CACNA2D1: variants seen among roughly 807,000 people sequenced by gnomAD.
CACNA2D1 encodes voltage-dependent calcium channel subunit alpha-2/delta-1.
In CACNA2D1, 53 loss-of-function variants were observed where a neutral mutation model predicts 171.5. The ratio of observed to expected loss-of-function variants is 0.31; its 90% CI spans 0.25 to 0.39. The LOEUF (loss-of-function observed/expected upper bound fraction) is 0.39. Among genes scored for constraint, CACNA2D1 ranks in the 10% least tolerant of loss-of-function variants. The pLI is 1.00. For synonymous variants in CACNA2D1, 442 were observed against 443.1 expected, an observed-to-expected ratio of 1.00 and a Z score of 0.03; for missense variants, 903 against 1,299.8, an observed-to-expected ratio of 0.69 and a Z score of 4.69.
At chr7:82,007,022 A>C (rs1371560838) in intron 16 of CACNA2D1, among the ~76,000 whole-genome samples, 1 of 152,120 alleles carries the variant, frequency 6.6e-6, no homozygotes, top group Non-Finnish European at 1.5e-5. Context: ...TCAAGCTAAA[A>C]AATTGGAATG....
chr7:82,042,225 C>T (rs1562912583), intron 10 of CACNA2D1, among the ~76,000 whole-genome samples: 2 of 152,252 alleles, frequency 1.3e-5, no homozygotes, highest in East Asian at 3.9e-4. Context: ...CTATATTTCA[C>T]AGATATCTTA....
chr7:82,442,472 T>C (rs1337654122), intron 1 of CACNA2D1, among the ~76,000 whole-genome samples: 1 of 152,156 alleles, frequency 6.6e-6, no homozygotes, highest in Non-Finnish European at 1.5e-5. Context: ...AATATGTATA[T>C]ATTTATATGT....
chr7:82,103,254 C>A (rs1428482673), intron 6 of CACNA2D1, among the ~76,000 whole-genome samples: 2 of 152,090 alleles, frequency 1.3e-5, no homozygotes, highest in Non-Finnish European at 2.9e-5. Flanking sequence ...TTGCAGTGAG[C>A]TACTGCACTC....
Position 82,056,991 on chromosome 7 carries a change from A to G in CACNA2D1, c.879+3437T>C, listed in dbSNP as rs371750856. Among the ~76,000 whole-genome samples, 289 of 152,278 alleles carry G rather than the reference A, an allele frequency of 1.9e-3. 2 individuals are homozygous for G. The highest frequency in any genetic ancestry group is 6.8e-3 in the African/African-American group (283 of 41,570). On this transcript the variant is annotated intron_variant, in intron 10 of 38. Transcript: ENST00000356860. ...CACTAGAGGCTGCCAGCCTGATAAC[A>G]TTGGGACAGTCTCCTCTAAAGGTAC...
intron 7 of CACNA2D1, among the ~76,000 whole-genome samples, chr7:82,071,297 T>C (rs1052636055): frequency 6.6e-6 from 1 of 152,144 alleles, no homozygotes; most frequent in Admixed American, 6.5e-5. Flanking sequence ...CCAAGAAACG[T>C]AGCTTTATGC....
chr7:81,964,040 T>C lies in CACNA2D1; in HGVS notation c.2780+16A>G, dbSNP rs182676195. 1.2e-6 allele frequency: 2 copies of C among 1,608,364 alleles called. No homozygotes were observed. The highest frequency in any genetic ancestry group is 1.7e-6 in the Non-Finnish European group (2 of 1,175,620). On this transcript the variant is annotated intron_variant, in intron 34 of 38. Transcript: ENST00000356860. ...TTCTTTCTTTCATTACCAATAAAAC[T>C]AAAATTTTGACTTACCAGGCAGCAG...
At chr7:82,169,890 A>G (rs545104666) in intron 4 of CACNA2D1, among the ~76,000 whole-genome samples, 1 of 151,586 alleles carries the variant, frequency 6.6e-6, no homozygotes, top group African/African-American at 2.4e-5. Flanking sequence ...CTATAAGAGG[A>G]TAGATAAATG....
chr7:82,202,828 A>G (rs1434462169), intron 3 of CACNA2D1, among the ~76,000 whole-genome samples: 4 of 126,624 alleles, frequency 3.2e-5, no homozygotes, highest in Non-Finnish European at 4.6e-5. Flanking sequence ...AGACGGGGAA[A>G]ATGCGCCACC....
chr7:82,419,908 G>A (rs1441980419), intron 1 of CACNA2D1, among the ~76,000 whole-genome samples: 1 of 152,144 alleles, frequency 6.6e-6, no homozygotes, highest in Non-Finnish European at 1.5e-5. Context: ...ATGATATCTG[G>A]TGACATTTTT....
At chr7:82,125,741 A>T (rs1394807052) in intron 5 of CACNA2D1, among the ~76,000 whole-genome samples, 5 of 152,076 alleles carry the variant, frequency 3.3e-5, no homozygotes, top group Non-Finnish European at 7.4e-5. Context: ...GAACATATGA[A>T]ACCTATAATG....
At position 81,984,637 on chromosome 7, in the gene CACNA2D1, C is replaced by A; in HGVS notation, c.1871G>T (p.Arg624Ile). The change falls in exon 22 of 39, where the codon AGA becomes ATA. Residue 624 changes from arginine (R) to isoleucine (I), a missense_variant and splice_region_variant. By Grantham distance (97) the Arg-to-Ile change is moderately conservative. This residue lies in a region of CACNA2D1 where 623 missense variants were observed against 925.5 expected (regional missense o/e 0.67). Coordinates refer to ENST00000356860, the MANE Select transcript of CACNA2D1 (RefSeq NM_000722.4). ...GAAGTCACTTTCACAGTACTTACAT[C>A]TGGCCTGAGTTATTGTCTCTTCTAG... is the stretch of plus-strand genomic sequence containing the variant. Reference protein sequence around the residue: ...AKLEETITQARSKKGKMKDSE... With the variant: ...AKLEETITQAISKKGKMKDSE... 1 of 1,551,358 alleles carries A rather than the reference C, an allele frequency of 6.4e-7. No homozygotes were observed. Among genetic ancestry groups the A allele is most frequent in the South Asian group, 1.2e-5 (1 of 86,246 alleles).
At chr7:82,060,621 C>A (rs1806760778) in intron 9 of CACNA2D1, 94 bp from the exon 10 acceptor site, 1 of 683,014 alleles carries the variant, frequency 1.5e-6, no homozygotes, top group Non-Finnish European at 2.5e-6. Flanking sequence ...GACCCTAGAT[C>A]TTTTATATAT....
chr7:82,230,928 C>T (rs1188263629), intron 3 of CACNA2D1, among the ~76,000 whole-genome samples: 3 of 152,262 alleles, frequency 2.0e-5, no homozygotes, highest in South Asian at 4.1e-4. Context: ...TTGAGGCAGG[C>T]GCCAAGTCAG....
At chr7:81,979,249 T>C (rs1170078700) in intron 24 of CACNA2D1, among the ~76,000 whole-genome samples, 1 of 151,048 alleles carries the variant, frequency 6.6e-6, no homozygotes, top group Admixed American at 6.6e-5. Context: ...GTTCTAAAAT[T>C]AACTCTAGTG....
chr7:82,104,844 C>T (rs1319813324), intron 6 of CACNA2D1, among the ~76,000 whole-genome samples: 1 of 152,014 alleles, frequency 6.6e-6, no homozygotes, highest in Non-Finnish European at 1.5e-5. Flanking sequence ...CAATAGTATT[C>T]TTCATTAAAA....
intron 7 of CACNA2D1, among the ~76,000 whole-genome samples, chr7:82,079,941 T>C (rs1035781074): frequency 1.3e-5 from 2 of 152,040 alleles, no homozygotes; most frequent in African/African-American, 4.8e-5. Context: ...ATTTAACCAT[T>C]CTACAATATG....
chr7:82,141,511 G>A (rs1792382816), intron 4 of CACNA2D1, among the ~76,000 whole-genome samples: 1 of 152,022 alleles, frequency 6.6e-6, no homozygotes, highest in South Asian at 2.1e-4. Context: ...GAGATTTTGG[G>A]GTTTCAACAA....
chr7:82,369,402 T>A (rs1284673364), intron 1 of CACNA2D1, among the ~76,000 whole-genome samples: 1 of 151,780 alleles, frequency 6.6e-6, no homozygotes, highest in African/African-American at 2.4e-5. Flanking sequence ...TCCAGCTAAC[T>A]GGTCAATCTG....
intron 12 of CACNA2D1, among the ~76,000 whole-genome samples, chr7:82,021,881 G>A (rs757561009): frequency 6.6e-6 from 1 of 152,042 alleles, no homozygotes; most frequent in East Asian, 1.9e-4. Flanking sequence ...TCAGAGAAGA[G>A]AGCAGCAGAA....
Sources: gnomAD v4.1 joint callset for allele counts (sites outside exome capture counted in the v4.1 genomes callset) on GRCh38, gnomAD v4.1.1 for gene constraint, gnomAD v4.1.1 regional missense constraint, MANE v1.5 for transcripts, NCBI Gene and HGNC (gene_info 2026-07-23, HGNC 2026-07-21) for gene names.